GSE1: variants seen among roughly 807,000 people sequenced by gnomAD.
The protein encoded by GSE1 is genetic suppressor element 1.
In GSE1, 32 loss-of-function variants were observed where a neutral mutation model predicts 112.6. The observed-to-expected ratio is 0.28, with a 90% CI of 0.21 to 0.38. The LOEUF (loss-of-function observed/expected upper bound fraction) is 0.38. Ranked by LOEUF, GSE1 falls within the 10% of genes least tolerant of loss-of-function variation. The pLI, the probability that GSE1 is intolerant of heterozygous loss-of-function variation, is 1.00. For synonymous variants in GSE1, 1,115 were observed against 735.6 expected (o/e 1.52, Z -8.35); for missense variants, 2,348 against 1,699.2 (o/e 1.38, Z -6.71).
rs573483963 is a variant in GSE1 at position 85,182,597 on chromosome 16, A to G, written c.2283+10790A>G. Among the ~76,000 whole-genome samples the G allele has an allele frequency of 3.9e-5, 6 of 152,290 alleles. No homozygotes were observed. In the East Asian group the frequency reaches 1.2e-3, roughly 29 times the overall value. On this transcript the variant is annotated intron_variant, in intron 1 of 2. Coordinates refer to the GSE1 transcript ENST00000637419. ...GTGTGACTGCTGGATGCCTCCTGCA[A>G]GAGCACTTCCCATTAACGGGAGAAA...
intron 2 of GSE1, among the ~76,000 whole-genome samples, chr16:85,641,333 C>T (rs1394112696): frequency 6.6e-6 from 1 of 152,230 alleles, no homozygotes; most frequent in East Asian, 1.9e-4. Context: ...GCATCTCCAG[C>T]TAGAAACCCG....
chr16:85,433,065 T>C (rs1313047093), intron 2 of GSE1, among the ~76,000 whole-genome samples: 2 of 151,878 alleles, frequency 1.3e-5, no homozygotes, highest in Non-Finnish European at 2.9e-5. Flanking sequence ...GAGACTTCCC[T>C]GGGGCAACTT....
intron 1 of GSE1, among the ~76,000 whole-genome samples, chr16:85,272,777 C>CT (rs1204820536): frequency 0.037 from 4,885 of 131,402 alleles, 132 homozygotes; most frequent in African/African-American, 0.074. Context: ...CTTCTCTTTT[C>CT]TTTTTTTTTT....
intron 1 of GSE1, among the ~76,000 whole-genome samples, chr16:85,575,982 C>T (rs1163847832): frequency 6.7e-6 from 1 of 149,938 alleles, no homozygotes; most frequent in African/African-American, 2.5e-5. Flanking sequence ...TGAAGGTGCT[C>T]CTGGTGTTAG....
chr16:85,546,044 C>G (rs945517817), intron 2 of GSE1, among the ~76,000 whole-genome samples: 5 of 152,174 alleles, frequency 3.3e-5, no homozygotes, highest in Non-Finnish European at 7.3e-5. Flanking sequence ...CTCGGCCTCC[C>G]AAAGTGCTGG....
intron 1 of GSE1, among the ~76,000 whole-genome samples, chr16:85,328,990 G>GC (rs1480543828): frequency 1.3e-5 from 2 of 152,214 alleles, no homozygotes; most frequent in Non-Finnish European, 2.9e-5. Flanking sequence ...CTTCATCAGG[G>GC]CCCAAGAGGG....
At chr16:85,178,434 C>T (rs2074512738) in intron 1 of GSE1, among the ~76,000 whole-genome samples, 1 of 151,970 alleles carries the variant, frequency 6.6e-6, no homozygotes, top group East Asian at 1.9e-4. Flanking sequence ...GGTGCACACT[C>T]GAATCAGTGT....
chr16:85,661,965 C>G (rs568682439), intron 9 of GSE1, among the ~76,000 whole-genome samples, 200 bp downstream of exon 9: 1 of 152,250 alleles, frequency 6.6e-6, no homozygotes, highest in Non-Finnish European at 1.5e-5. Flanking sequence ...GTCCCCGTGC[C>G]TGTCCTGCCT....
intron 2 of GSE1, among the ~76,000 whole-genome samples, chr16:85,391,915 A>G (rs1409686861): frequency 6.6e-6 from 1 of 152,138 alleles, no homozygotes; most frequent in Non-Finnish European, 1.5e-5. Flanking sequence ...GCAGGCTGCA[A>G]CTTACATGCT....
At chr16:85,287,713 C>T (rs75199908) in intron 1 of GSE1, among the ~76,000 whole-genome samples, 4,684 of 152,094 alleles carry the variant, frequency 0.031, 248 homozygotes, top group African/African-American at 0.11. Flanking sequence ...CTGACCACAC[C>T]CCCCGATGCC....
intron 1 of GSE1, among the ~76,000 whole-genome samples, chr16:85,297,106 C>T (rs943740414): frequency 6.6e-6 from 1 of 152,212 alleles, no homozygotes; most frequent in Non-Finnish European, 1.5e-5. Flanking sequence ...TGCAGTGATG[C>T]CAGTGAATCC....
chr16:85,450,727 G>A (rs2049654848), intron 2 of GSE1, among the ~76,000 whole-genome samples: 1 of 151,854 alleles, frequency 6.6e-6, no homozygotes, highest in African/African-American at 2.4e-5. Context: ...GGGATTACAG[G>A]CATGAGCCAC....
At chr16:85,511,210 A>C (rs1341675215) in intron 2 of GSE1, among the ~76,000 whole-genome samples, 1 of 152,094 alleles carries the variant, frequency 6.6e-6, no homozygotes, top group South Asian at 2.1e-4. Context: ...TTCCCTTTCT[A>C]TGTGTGGTAG....
At chr16:85,409,645 CT>C (rs1332520981) in intron 2 of GSE1, among the ~76,000 whole-genome samples, 4 of 9,616 alleles carry the variant, frequency 4.2e-4, no homozygotes, top group African/African-American at 5.9e-4. Context: ...CAGGGCCCCC[CT>C]GGATAATCCT....
rs759238687 is a variant in GSE1 at position 85,655,007 on chromosome 16, C to T, written c.797+16C>T. 6.7e-6 allele frequency: 10 copies of T among 1,485,808 alleles called. No individual in the cohort carries two copies. The highest frequency in any genetic ancestry group is 1.2e-5 in the South Asian group (1 of 85,242). The allele number at this position is 1,485,808 out of a possible 1,614,324, so 92.0% of individuals were successfully genotyped here. A position where few individuals can be genotyped will look rare whatever the true frequency, so the allele number is the denominator to read the frequency against. ...CGGCCTTCAGGTGAGGCATCCCCCA[C>T]GCGCCCTCTCGTCTAGGTGCTGGCC... On this transcript the variant is annotated intron_variant, in intron 5 of 15. Transcript: ENST00000253458.
intron 2 of GSE1, among the ~76,000 whole-genome samples, chr16:85,514,425 G>GC (rs1567551178): frequency 7.8e-5 from 8 of 102,638 alleles, no homozygotes; most frequent in African/African-American, 2.7e-4. Context: ...ATGCTCTCGA[G>GC]TCCCCCCCCC....
intron 1 of GSE1, among the ~76,000 whole-genome samples, chr16:85,198,546 G>A (rs528718259): frequency 6.6e-6 from 1 of 152,098 alleles, no homozygotes; most frequent in Non-Finnish European, 1.5e-5. Flanking sequence ...TGCTGGGAGG[G>A]TCGGGATGGG....
In GSE1 at chr16:85,633,953, T is replaced by G; in HGVS notation, c.47T>G (p.Leu16Arg). 1 of 1,612,860 alleles carries G rather than the reference T, an allele frequency of 6.2e-7. No individual in the cohort carries two copies. The highest frequency in any genetic ancestry group is 8.5e-7 in the Non-Finnish European group (1 of 1,179,642). ...HEPKSPSLGM[L>R]STATRTTATV... is the part of the protein sequence containing the mutation. Reference sequence around the variant, plus strand: ...CCCAAGTCCCCTTCGCTAGGGATGCTTTCCACCGCGACCAGGACCACCGCC... The same window carrying G: ...CCCAAGTCCCCTTCGCTAGGGATGCGTTCCACCGCGACCAGGACCACCGCC... Residue 16 changes from leucine (L) to arginine (R), a missense_variant, in exon 2 of 16, where the codon CTT becomes CGT. Transcript: ENST00000253458.
chr16:85,193,907 G>A (rs1322341054), intron 1 of GSE1, among the ~76,000 whole-genome samples: 1 of 152,210 alleles, frequency 6.6e-6, no homozygotes, highest in Non-Finnish European at 1.5e-5. Flanking sequence ...GGGCACTGAC[G>A]TCGACAGTCC....
Sources: gnomAD v4.1 joint callset for allele counts (sites outside exome capture counted in the v4.1 genomes callset) on GRCh38, gnomAD v4.1.1 for gene constraint, MANE v1.5 for transcripts, NCBI Gene and HGNC (gene_info 2026-07-23, HGNC 2026-07-21) for gene names.